Variants in FRMD4A observed in about 807,000 individuals in gnomAD.
FRMD4A encodes FERM domain-containing protein 4A.
Under a neutral mutation model 129.1 loss-of-function variants are expected in FRMD4A, and 29 were observed. That is an observed-to-expected ratio of 0.22 (90% CI 0.17 to 0.31). The LOEUF is 0.31. Among genes scored for constraint, FRMD4A ranks in the 10% least tolerant of loss-of-function variants. The pLI, the probability that FRMD4A is intolerant of heterozygous loss-of-function variation, is 1.00. For synonymous variants in FRMD4A, 634 were observed against 571.6 expected, an observed-to-expected ratio of 1.11 and a Z score of -1.56; for missense variants, 1,272 against 1,375.8, an observed-to-expected ratio of 0.92 and a Z score of 1.19.
intron 12 of FRMD4A, among the ~76,000 whole-genome samples, chr10:13,731,227 C>T (rs117018707): frequency 2.6e-5 from 4 of 151,998 alleles, no homozygotes; most frequent in African/African-American, 7.2e-5. Flanking sequence ...TGTCACATAG[C>T]GTTTGAGTAT....
chr10:14,276,776 C>T (rs1845356231), intron 2 of FRMD4A, among the ~76,000 whole-genome samples: 1 of 152,220 alleles, frequency 6.6e-6, no homozygotes, highest in South Asian at 2.1e-4. Context: ...CATCTTCCTG[C>T]TCTGTTCTTT....
chr10:14,031,911 C>T (rs999947593), intron 2 of FRMD4A, among the ~76,000 whole-genome samples: 2 of 152,062 alleles, frequency 1.3e-5, no homozygotes, highest in Non-Finnish European at 2.9e-5. Flanking sequence ...TTCCCATGGG[C>T]CTTAGAATGA....
chr10:13,954,209 C>T (rs1023853617), intron 2 of FRMD4A, among the ~76,000 whole-genome samples: 20 of 152,114 alleles, frequency 1.3e-4, no homozygotes, highest in Admixed American at 5.9e-4. Flanking sequence ...CTATTGCACT[C>T]GGTGGCTATA....
intron 12 of FRMD4A, among the ~76,000 whole-genome samples, chr10:13,725,699 G>A (rs749546007): frequency 5.4e-4 from 82 of 152,286 alleles, no homozygotes; most frequent in African/African-American, 1.7e-3. Flanking sequence ...TGTGGGAACC[G>A]AGGAACCCTG....
intron 15 of FRMD4A, among the ~76,000 whole-genome samples, chr10:13,679,472 T>TACACACACACACACACAC (rs1169130994): frequency 5.1e-4 from 11 of 21,394 alleles, no homozygotes; most frequent in East Asian, 5.7e-3. Context: ...TATATATATA[T>TACACACACACACACACAC]ATACACACAC....
At chr10:14,302,288 T>G (rs997956680) in intron 2 of FRMD4A, among the ~76,000 whole-genome samples, 2 of 152,164 alleles carry the variant, frequency 1.3e-5, no homozygotes, top group Non-Finnish European at 2.9e-5. Context: ...TTGTAACTGT[T>G]AAGAACCAAA....
chr10:13,881,158 C>T (rs1564963903), intron 2 of FRMD4A, among the ~76,000 whole-genome samples: 1 of 151,570 alleles, frequency 6.6e-6, no homozygotes, highest in African/African-American at 2.4e-5. Flanking sequence ...TGGTTCACAC[C>T]TGTAATCCCA....
chr10:13,809,574 G>C (rs1384043991), intron 4 of FRMD4A, among the ~76,000 whole-genome samples: 1 of 152,140 alleles, frequency 6.6e-6, no homozygotes, highest in Admixed American at 6.5e-5. Context: ...TTTCCCAGCT[G>C]GGCTTACTTG....
At chr10:14,222,567 C>T (rs990237720) in intron 2 of FRMD4A, among the ~76,000 whole-genome samples, 2 of 152,260 alleles carry the variant, frequency 1.3e-5, no homozygotes, top group South Asian at 2.1e-4. Context: ...GGAACAGATA[C>T]TTAGAAATTA....
chr10:14,328,408 T>C, intron 2 of FRMD4A, among the ~76,000 whole-genome samples: 1 of 147,378 alleles, frequency 6.8e-6, no homozygotes, highest in Non-Finnish European at 1.5e-5. Flanking sequence ...TGGATGCTAT[T>C]CATTTAATTT....
In FRMD4A at chr10:14,231,194, G is replaced by T. The variant is rs1024845961; in HGVS notation, c.45+98864C>A. Among the ~76,000 whole-genome samples the T allele has an allele frequency of 2.6e-5, 4 of 152,116 alleles. No individual in the cohort carries two copies. In the South Asian group the frequency reaches 8.3e-4, roughly 32 times the overall value. ...TCTGTTTTAAGTTCTTTGAGAAATCGCCAAACTCCTTTCCATTGTTGCTGA... is the reference window on the plus strand; with the variant it reads ...TCTGTTTTAAGTTCTTTGAGAAATCTCCAAACTCCTTTCCATTGTTGCTGA... On this transcript the variant is annotated intron_variant, in intron 2 of 24. Coordinates refer to ENST00000357447, the MANE Select transcript of FRMD4A (RefSeq NM_018027.5).
intron 12 of FRMD4A, among the ~76,000 whole-genome samples, chr10:13,735,660 T>G (rs1182133613): frequency 6.6e-6 from 1 of 152,202 alleles, no homozygotes; most frequent in Non-Finnish European, 1.5e-5. Context: ...GCATGTCCTC[T>G]AAAAAGCTTA....
intron 12 of FRMD4A, among the ~76,000 whole-genome samples, chr10:13,734,732 C>T (rs914920623): frequency 6.6e-6 from 1 of 152,216 alleles, no homozygotes; most frequent in African/African-American, 2.4e-5. Context: ...CAGACACTGG[C>T]TGGATTATCA....
intron 3 of FRMD4A, among the ~76,000 whole-genome samples, chr10:13,824,339 A>AG (rs2093670739): frequency 6.7e-6 from 1 of 150,070 alleles, no homozygotes; most frequent in South Asian, 2.1e-4. Flanking sequence ...AAAAAAAAAA[A>AG]AAAATTAGCT....
intron 2 of FRMD4A, among the ~76,000 whole-genome samples, chr10:14,149,530 G>A (rs1416101559): frequency 6.6e-6 from 1 of 151,944 alleles, no homozygotes; most frequent in African/African-American, 2.4e-5. Flanking sequence ...GTAGAGATGG[G>A]GTCCCACTCT....
chr10:14,296,705 C>T (rs1162297617), intron 2 of FRMD4A, among the ~76,000 whole-genome samples: 5 of 152,174 alleles, frequency 3.3e-5, no homozygotes, highest in Non-Finnish European at 5.9e-5. Flanking sequence ...TGAGTCGTTA[C>T]CATAAATTAC....
intron 2 of FRMD4A, among the ~76,000 whole-genome samples, chr10:13,962,488 A>G (rs969531261): frequency 6.6e-6 from 1 of 152,226 alleles, no homozygotes; most frequent in African/African-American, 2.4e-5. Context: ...TGAAGACTAG[A>G]ACCTTTTGAG....
intron 2 of FRMD4A, among the ~76,000 whole-genome samples, chr10:14,068,637 A>G (rs1835171351): frequency 6.6e-6 from 1 of 152,188 alleles, no homozygotes; most frequent in Non-Finnish European, 1.5e-5. Context: ...ATTCTACAGA[A>G]ACAAACTTTA....
intron 2 of FRMD4A, among the ~76,000 whole-genome samples, chr10:13,862,778 C>T (rs550298209): frequency 6.6e-6 from 1 of 152,284 alleles, no homozygotes; most frequent in Non-Finnish European, 1.5e-5. Context: ...TTAGAGTATC[C>T]TGTTCTTATC....
Sources: gnomAD v4.1 joint callset for allele counts (sites outside exome capture counted in the v4.1 genomes callset) on GRCh38, gnomAD v4.1.1 for gene constraint, MANE v1.5 for transcripts, NCBI Gene and HGNC (gene_info 2026-07-23, HGNC 2026-07-21) for gene names.